GBX1: variants seen among roughly 807,000 people sequenced by gnomAD.
The protein encoded by GBX1 is homeobox protein GBX-1.
GBX1 carries 9 observed loss-of-function variants against 22.9 expected under a neutral mutation model. The ratio of observed to expected loss-of-function variants is 0.39; its 90% CI spans 0.24 to 0.69. The LOEUF is 0.69. Among genes scored for constraint, GBX1 ranks in the 30% least tolerant of loss-of-function variants. The probability of loss-of-function intolerance (pLI) is 0.43; values close to 1 mark genes in which losing one functional copy is unlikely to be tolerated. For missense variants in GBX1, 494 were observed against 509.2 expected, an observed-to-expected ratio of 0.97 and a Z score of 0.29; for synonymous variants, 203 against 227.3, an observed-to-expected ratio of 0.89 and a Z score of 0.96.
At chr7:151,159,915 T>C (rs1165423215) in intron 1 of GBX1, among the ~76,000 whole-genome samples, 1 of 152,084 alleles carries the variant, frequency 6.6e-6, no homozygotes, top group Non-Finnish European at 1.5e-5. Context: ...ATAGCTTGGG[T>C]ATGCCCTCCC....
At chr7:151,158,057 T>G (rs1282852913) in intron 1 of GBX1, among the ~76,000 whole-genome samples, 2 of 152,162 alleles carry the variant, frequency 1.3e-5, no homozygotes, top group African/African-American at 4.8e-5. Flanking sequence ...CTTACATTTC[T>G]GAATCCACTC....
rs71533521 is a variant in GBX1, at chr7:151,164,776, CTTT to C, written c.538+2232_538+2234del. On this transcript the variant is annotated intron_variant, in intron 1 of 1. Transcript: ENST00000297537. ...CTCCAAGAACAACACAAATTTCCCT[CTTT>C]TTTTTTTTTTTTTTTTTGCTTTCAA... Among the ~76,000 whole-genome samples, 140 of 104,406 alleles carry C rather than the reference CTTT, an allele frequency of 1.3e-3. 1 individual carries two copies. Among genetic ancestry groups the C allele is most frequent in the Middle Eastern group, 6.8e-3 (1 of 148 alleles). The allele number at this position is 104,406 out of a possible 152,430, so 68.5% of individuals were successfully genotyped here.
chr7:151,157,703 C>T (rs1801151602), intron 1 of GBX1, among the ~76,000 whole-genome samples: 1 of 152,172 alleles, frequency 6.6e-6, no homozygotes, highest in Admixed American at 6.5e-5. Flanking sequence ...TTAGGTACTG[C>T]TTCCCCGCTA....
In GBX1 at chr7:151,148,342, A is replaced by C. The variant is rs955450323; in HGVS notation, c.*247T>G. Among the ~76,000 whole-genome samples, 4 of 152,096 alleles carry C rather than the reference A, an allele frequency of 2.6e-5. No individual in the cohort carries two copies. Among genetic ancestry groups the C allele is most frequent in the African/African-American group, 4.8e-5 (2 of 41,422 alleles). On this transcript the variant is annotated 3_prime_UTR_variant, in exon 2 of 2. Coordinates refer to ENST00000297537, the MANE Select transcript of GBX1 (RefSeq NM_001098834.3). The surrounding 1 kb of genome is among the most constrained non-coding windows in gnomAD (Gnocchi z 5.1). Reference sequence around the variant, plus strand: ...AGTCCCAACAGCTCCTCAGCAATAGAACCCCAGCCCCTTTAACCTTGAAGC... The same window carrying C: ...AGTCCCAACAGCTCCTCAGCAATAGCACCCCAGCCCCTTTAACCTTGAAGC...
At chr7:151,156,625 T>G (rs1801138643) in intron 1 of GBX1, among the ~76,000 whole-genome samples, 2 of 152,074 alleles carry the variant, frequency 1.3e-5, no homozygotes, top group Admixed American at 1.3e-4. Context: ...CAAATCTTTC[T>G]CCCGTTCTTT....
Position 151,160,284 on chromosome 7 carries a change from C to T in GBX1, c.538+6727G>A, listed in dbSNP as rs530363845. ...CATAGAATAGTTATTAATTGCAGCA[C>T]AAAGCACTTCTTGCCTTTACACTCA... On this transcript the variant is annotated intron_variant, in intron 1 of 1. Transcript: ENST00000297537. Among the ~76,000 whole-genome samples the T allele has an allele frequency of 5.9e-5, 9 of 152,308 alleles. No homozygotes were observed. In the South Asian group the frequency reaches 1.9e-3, roughly 32 times the overall value.
At chr7:151,150,846 C>T (rs1171918728) in intron 1 of GBX1, among the ~76,000 whole-genome samples, 1 of 152,186 alleles carries the variant, frequency 6.6e-6, no homozygotes, top group Non-Finnish European at 1.5e-5. Context: ...GATCCTCCAC[C>T]CTCAGCCTCC....
intron 1 of GBX1, among the ~76,000 whole-genome samples, chr7:151,155,219 C>G (rs1199379758): frequency 6.6e-6 from 1 of 152,216 alleles, no homozygotes; most frequent in Non-Finnish European, 1.5e-5. Context: ...GACAATGAAT[C>G]TCTTCCTGAT....
chr7:151,152,709 C>T (rs1801093967), intron 1 of GBX1, among the ~76,000 whole-genome samples: 1 of 152,142 alleles, frequency 6.6e-6, no homozygotes, highest in Admixed American at 6.5e-5. Context: ...TCTGGCAGGG[C>T]CCTCCTGAGA....
chr7:151,154,796 A>G (rs1465975178), intron 1 of GBX1, among the ~76,000 whole-genome samples: 2 of 152,200 alleles, frequency 1.3e-5, no homozygotes, highest in Non-Finnish European at 2.9e-5. Context: ...AGAGTCAGAA[A>G]GAAGGCCATC....
At position 151,167,145 on chromosome 7, in the gene GBX1, T is replaced by C. The variant is rs567544050; in HGVS notation, c.404A>G (p.Asn135Ser). The change falls in exon 1 of 2, where the codon AAC becomes AGC. Residue 135 changes from asparagine to serine, a missense_variant. Physicochemically the swap from Asn to Ser is conservative, Grantham distance 46. Transcript: ENST00000297537. This position sits in a 1 kb window ranked among gnomAD's most constrained non-coding sequence, Gnocchi z 5.9. ...GCGTCGGCCGCCTGGCTCGGGGTTG[T>C]TTCGGGCGGCAGTGGCGGCGGCGGC... ...AAAAAATAAR[N>S]NPEPGGRRPE... The C allele has an allele frequency of 2.4e-5, 38 of 1,601,502 alleles. 1 individual carries two copies. The South Asian group carries it at 3.9e-4, about 16-fold the overall frequency.
rs1178155849 is a variant in GBX1, at chr7:151,148,138, C to T, written c.*451G>A. ...AATCCCTCTCAGGGGTGCAGACAGA[C>T]GTACAGAGACAGATAGCTCCATATA... On this transcript the variant is annotated 3_prime_UTR_variant, in exon 2 of 2. Coordinates refer to ENST00000297537, the MANE Select transcript of GBX1 (RefSeq NM_001098834.3). This position sits in a 1 kb window ranked among gnomAD's most constrained non-coding sequence, Gnocchi z 5.1. Among the ~76,000 whole-genome samples the T allele has an allele frequency of 2.0e-5, 3 of 152,144 alleles. No homozygotes were observed. The highest frequency in any genetic ancestry group is 6.5e-5 in the Admixed American group (1 of 15,276).
chr7:151,166,803 G>A (rs1179974247), intron 1 of GBX1, among the ~76,000 whole-genome samples: 1 of 152,238 alleles, frequency 6.6e-6, no homozygotes, highest in Non-Finnish European at 1.5e-5. Flanking sequence ...AGCCTTCAGG[G>A]CTATGGGGAC....
At chr7:151,153,603 A>G (rs148781711) in intron 1 of GBX1, among the ~76,000 whole-genome samples, 29 of 151,746 alleles carry the variant, frequency 1.9e-4, no homozygotes, top group Non-Finnish European at 3.4e-4. Context: ...ACTGGAATGC[A>G]GTAGAGTAAT....
intron 1 of GBX1, among the ~76,000 whole-genome samples, chr7:151,165,835 T>G (rs1011457062): frequency 2.0e-5 from 3 of 152,198 alleles, no homozygotes; most frequent in African/African-American, 7.2e-5. Context: ...AAGGGCCCCA[T>G]AACTGATAAT....
In GBX1 at chr7:151,149,211, T is replaced by C. The variant is rs1000084655; in HGVS notation, c.539-69A>G. The C allele has an allele frequency of 5.5e-6, 8 of 1,442,532 alleles. No individual in the cohort carries two copies. In the African/African-American group the frequency reaches 9.9e-5, roughly 18 times the overall value. 89.4% of individuals were successfully genotyped at this position (1,442,532 alleles called of 1,614,324 possible). A position where few individuals can be genotyped will look rare whatever the true frequency, so the allele number is the denominator to read the frequency against. On this transcript the variant is annotated intron_variant, in intron 1 of 1. Transcript: ENST00000297537. ...AAAAAGAGAGTTTGGAGGAGGCCCA[T>C]GGAACCATGGCCAGAAATGGGGGGT...
chr7:151,148,541 C>T lies in GBX1; in HGVS notation c.*48G>A. 1.3e-6 allele frequency: 2 copies of T among 1,540,770 alleles called. No individual in the cohort carries two copies. Among genetic ancestry groups the T allele is most frequent in the Non-Finnish European group, 1.8e-6 (2 of 1,130,492 alleles). On this transcript the variant is annotated 3_prime_UTR_variant, in exon 2 of 2. Transcript: ENST00000297537. This position sits in a 1 kb window ranked among gnomAD's most constrained non-coding sequence, Gnocchi z 5.1. ...CCACAGAACCCTGACAGTCTCAGAG[C>T]AGGCTCAGGTACAGATCCCTCGCCT...
intron 1 of GBX1, among the ~76,000 whole-genome samples, chr7:151,164,136 AG>A (rs1439022044): frequency 1.3e-5 from 2 of 152,256 alleles, no homozygotes; most frequent in Admixed American, 1.3e-4. Context: ...ACGGGTTAGC[AG>A]TTGTAAAACA....
intron 1 of GBX1, chr7:151,149,795 T>C (rs1055232367): frequency 5.0e-6 from 2 of 401,462 alleles, no homozygotes; most frequent in Non-Finnish European, 1.0e-5. Flanking sequence ...CTGAACCTCA[T>C]TTCCATGGCT....
Sources: gnomAD v4.1 joint callset for allele counts (sites outside exome capture counted in the v4.1 genomes callset) on GRCh38, gnomAD v4.1.1 for gene constraint, Gnocchi (gnomAD v3.1) non-coding constraint, MANE v1.5 for transcripts, NCBI Gene and HGNC (gene_info 2026-07-23, HGNC 2026-07-21) for gene names.